PTPRD: variants seen among roughly 807,000 people sequenced by gnomAD.
PTPRD encodes the protein protein tyrosine phosphatase receptor type D, also known as receptor-type tyrosine-protein phosphatase delta.
Under a neutral mutation model 214.5 loss-of-function variants are expected in PTPRD, and 34 were observed. That is an observed-to-expected ratio of 0.16 (90% CI 0.12 to 0.21). PTPRD has a LOEUF of 0.21. Ranked by LOEUF, PTPRD falls within the 10% of genes least tolerant of loss-of-function variation. The pLI, the probability that PTPRD is intolerant of heterozygous loss-of-function variation, is 1.00. For missense variants in PTPRD, 2,545 were observed against 2,398.7 expected (o/e 1.06, Z -1.27); for synonymous variants, 1,128 against 845.7 (o/e 1.33, Z -5.79).
chr9:9,226,576 G>A (rs929267644), intron 9 of PTPRD, among the ~76,000 whole-genome samples: 1 of 151,914 alleles, frequency 6.6e-6, no homozygotes, highest in African/African-American at 2.4e-5. Flanking sequence ...GTGGGAAAGA[G>A]GAAGGAACAT....
intron 12 of PTPRD, among the ~76,000 whole-genome samples, chr9:8,699,412 T>G (rs542478262): frequency 6.6e-6 from 1 of 152,212 alleles, no homozygotes; most frequent in African/African-American, 2.4e-5. Flanking sequence ...GTATTTTTCA[T>G]GATAAGCATT....
intron 5 of PTPRD, among the ~76,000 whole-genome samples, chr9:9,810,332 T>A (rs1456825433): frequency 6.6e-6 from 1 of 152,060 alleles, no homozygotes; most frequent in Non-Finnish European, 1.5e-5. Flanking sequence ...AAGGATGCCA[T>A]CTAGCACTCT....
intron 14 of PTPRD, among the ~76,000 whole-genome samples, chr9:8,557,455 T>TATACACACACATACACATAC: frequency 7.4e-6 from 1 of 135,638 alleles, no homozygotes; most frequent in African/African-American, 3.5e-5. Flanking sequence ...TATATATATA[T>TATACACACACATACACATAC]ATTTGGGCCG....
chr9:9,508,093 T>C (rs2096612278), intron 8 of PTPRD, among the ~76,000 whole-genome samples: 1 of 151,688 alleles, frequency 6.6e-6, no homozygotes, highest in Non-Finnish European at 1.5e-5. Flanking sequence ...AGCAAGTTCA[T>C]ACTTCAGTAT....
At chr9:9,902,316 A>T (rs1367331463) in intron 5 of PTPRD, among the ~76,000 whole-genome samples, 1 of 152,172 alleles carries the variant, frequency 6.6e-6, no homozygotes, top group Non-Finnish European at 1.5e-5. Context: ...AATTTTTGCA[A>T]CATCGTGTAA....
intron 8 of PTPRD, among the ~76,000 whole-genome samples, chr9:9,504,378 T>C (rs976316861): frequency 5.3e-5 from 8 of 151,736 alleles, no homozygotes; most frequent in Non-Finnish European, 7.4e-5. Flanking sequence ...ATAATTCTTA[T>C]GGCTTATGAT....
intron 2 of PTPRD, among the ~76,000 whole-genome samples, chr9:10,394,077 G>T (rs552955598): frequency 0.023 from 3,264 of 143,268 alleles, 67 homozygotes; most frequent in Non-Finnish European, 0.033. Context: ...TATATATATA[G>T]AGAGAGAAAC....
At chr9:8,747,149 T>C (rs2154456691) in intron 11 of PTPRD, among the ~76,000 whole-genome samples, 1 of 152,350 alleles carries the variant, frequency 6.6e-6, no homozygotes, top group South Asian at 2.1e-4. Flanking sequence ...TCCTTTATTA[T>C]GTTTCCTTTA....
At chr9:9,548,581 T>A (rs2079405679) in intron 8 of PTPRD, among the ~76,000 whole-genome samples, 1 of 151,788 alleles carries the variant, frequency 6.6e-6, no homozygotes, top group African/African-American at 2.4e-5. Context: ...GTATTTTTAG[T>A]AGAGATGGGG....
intron 9 of PTPRD, among the ~76,000 whole-genome samples, chr9:9,235,070 G>A (rs756477641): frequency 3.3e-5 from 5 of 152,212 alleles, no homozygotes; most frequent in Non-Finnish European, 7.3e-5. Flanking sequence ...TTGACTCACA[G>A]TTCCACATGG....
At chr9:9,924,308 G>T (rs539305614) in intron 5 of PTPRD, among the ~76,000 whole-genome samples, 121 of 152,012 alleles carry the variant, frequency 8.0e-4, no homozygotes, top group Middle Eastern at 3.4e-3. Flanking sequence ...GTTACCAAAA[G>T]GACCAGATAC....
At chr9:8,798,225 C>G (rs1266092143) in intron 11 of PTPRD, among the ~76,000 whole-genome samples, 2 of 152,022 alleles carry the variant, frequency 1.3e-5, no homozygotes, top group African/African-American at 4.8e-5. Context: ...TACATTAGAT[C>G]TTTAAATAAA....
chr9:8,922,508 C>T (rs2098834657), intron 11 of PTPRD, among the ~76,000 whole-genome samples: 1 of 152,174 alleles, frequency 6.6e-6, no homozygotes, highest in African/African-American at 2.4e-5. Flanking sequence ...AATAACATTC[C>T]ATGTCTTAGA....
chr9:8,842,912 C>A (rs563179533), intron 11 of PTPRD, among the ~76,000 whole-genome samples: 1 of 152,200 alleles, frequency 6.6e-6, no homozygotes, highest in African/African-American at 2.4e-5. Context: ...CACACTTGCT[C>A]TGCGCTGCAC....
intron 8 of PTPRD, among the ~76,000 whole-genome samples, chr9:9,572,064 A>C (rs1489552398): frequency 6.6e-6 from 1 of 151,360 alleles, no homozygotes; most frequent in Admixed American, 6.6e-5. Flanking sequence ...AAAAAACCCT[A>C]ATAAACAGAA....
At chr9:9,432,737 A>C (rs1165603547) in intron 8 of PTPRD, among the ~76,000 whole-genome samples, 1 of 152,236 alleles carries the variant, frequency 6.6e-6, no homozygotes, top group Non-Finnish European at 1.5e-5. Flanking sequence ...TCATTTAATG[A>C]ATAATGAAGC....
intron 10 of PTPRD, among the ~76,000 whole-genome samples, chr9:9,052,035 A>T (rs982030133): frequency 1.7e-4 from 26 of 152,154 alleles, no homozygotes; most frequent in African/African-American, 5.8e-4. Context: ...TAAACAACAA[A>T]CATTTATTTC....
At chr9:9,054,029 T>G (rs2099691615) in intron 10 of PTPRD, among the ~76,000 whole-genome samples, 1 of 152,128 alleles carries the variant, frequency 6.6e-6, no homozygotes, top group Non-Finnish European at 1.5e-5. Context: ...AAGATTAAAG[T>G]CAAACAACAA....
At chr9:10,104,247 T>A (rs2098601679) in intron 3 of PTPRD, among the ~76,000 whole-genome samples, 1 of 151,674 alleles carries the variant, frequency 6.6e-6, no homozygotes, top group Non-Finnish European at 1.5e-5. Flanking sequence ...TGGATGGTGG[T>A]GATAGTTGCA....
Sources: gnomAD v4.1 joint callset for allele counts (sites outside exome capture counted in the v4.1 genomes callset) on GRCh38, gnomAD v4.1.1 for gene constraint, MANE v1.5 for transcripts, NCBI Gene and HGNC (gene_info 2026-07-23, HGNC 2026-07-21) for gene names.